The following MDFIC variants were observed in gnomAD, a reference collection of about 807,000 sequenced individuals.
MDFIC encodes the protein MyoD family inhibitor domain containing.
A neutral mutation model predicts 23.2 loss-of-function variants in MDFIC; 17 were observed. The ratio of observed to expected loss-of-function variants is 0.73; its 90% confidence interval spans 0.50 to 1.10. MDFIC has a LOEUF of 1.10. MDFIC is among the 50% of genes least tolerant of loss of function. The pLI is 0.00. For synonymous variants in MDFIC, 120 were observed against 115.2 expected (o/e 1.04, Z -0.27); for missense variants, 356 against 316.6 (o/e 1.12, Z -0.95).
intron 3 of MDFIC, among the ~76,000 whole-genome samples, chr7:114,957,344 G>A (rs1472239429): frequency 6.6e-6 from 1 of 152,050 alleles, no homozygotes. Context: ...GGAGTAAGCT[G>A]TGTTTTTTAG....
chr7:114,959,432 A>G (rs1363322260), intron 3 of MDFIC, among the ~76,000 whole-genome samples: 1 of 152,188 alleles, frequency 6.6e-6, no homozygotes, highest in Non-Finnish European at 1.5e-5. Context: ...TTGTTCATTA[A>G]TACAAATATG....
At chr7:114,961,733 A>T (rs1792995864) in intron 3 of MDFIC, among the ~76,000 whole-genome samples, 1 of 152,138 alleles carries the variant, frequency 6.6e-6, no homozygotes, top group Admixed American at 6.5e-5. Flanking sequence ...GGTGCTACAC[A>T]CTTTTAAACA....
intron 3 of MDFIC, among the ~76,000 whole-genome samples, chr7:114,955,828 T>C (rs1644815654): frequency 6.6e-6 from 1 of 152,216 alleles, no homozygotes; most frequent in African/African-American, 2.4e-5. Context: ...ATTAACAATG[T>C]TATTACCATA....
chr7:114,951,611 A>G (rs1267425456), intron 3 of MDFIC, among the ~76,000 whole-genome samples: 1 of 152,138 alleles, frequency 6.6e-6, no homozygotes, highest in Non-Finnish European at 1.5e-5. Context: ...GAGTGAAAGC[A>G]TATGGGTGAA....
At chr7:114,941,754 T>C (rs1195223925) in intron 2 of MDFIC, among the ~76,000 whole-genome samples, 1 of 152,168 alleles carries the variant, frequency 6.6e-6, no homozygotes, top group Admixed American at 6.5e-5. Context: ...AAATACCCCC[T>C]TCTCAGAGGA....
intron 4 of MDFIC, among the ~76,000 whole-genome samples, chr7:114,987,018 C>A: frequency 6.6e-6 from 1 of 151,976 alleles, no homozygotes. Flanking sequence ...GTTGAAAGGG[C>A]AGGAATGGCT....
chr7:114,991,455 T>A (rs185513744), intron 4 of MDFIC, among the ~76,000 whole-genome samples: 1 of 152,170 alleles, frequency 6.6e-6, no homozygotes, highest in Non-Finnish European at 1.5e-5. Context: ...ATTTCCTAGG[T>A]TTTCTTCTAG....
intron 2 of MDFIC, among the ~76,000 whole-genome samples, chr7:114,931,447 T>C (rs895699322): frequency 1.3e-5 from 2 of 152,188 alleles, no homozygotes; most frequent in Non-Finnish European, 2.9e-5. Context: ...TATATTTTAC[T>C]ATGGAGAGAT....
At chr7:114,958,390 C>G (rs1158934114) in intron 3 of MDFIC, among the ~76,000 whole-genome samples, 1 of 152,120 alleles carries the variant, frequency 6.6e-6, no homozygotes, top group Non-Finnish European at 1.5e-5. Flanking sequence ...TTATTTTTTG[C>G]ATAATTTTGT....
At chr7:114,977,001 T>C (rs1014698559) in intron 3 of MDFIC, among the ~76,000 whole-genome samples, 4 of 152,182 alleles carry the variant, frequency 2.6e-5, no homozygotes, top group African/African-American at 9.7e-5. Context: ...CATAGTCTTA[T>C]GTAATTTACA....
intron 2 of MDFIC, among the ~76,000 whole-genome samples, chr7:114,939,868 A>T (rs1017835071): frequency 2.6e-5 from 4 of 152,232 alleles, no homozygotes; most frequent in Non-Finnish European, 5.9e-5. Context: ...AAAGTTACTA[A>T]TTGAATCAAG....
At chr7:114,950,586 T>C (rs1321825400) in intron 3 of MDFIC, among the ~76,000 whole-genome samples, 1 of 152,084 alleles carries the variant, frequency 6.6e-6, no homozygotes, top group Non-Finnish European at 1.5e-5. Flanking sequence ...AGGGAAAATA[T>C]GGGAAGAGAA....
intron 4 of MDFIC, among the ~76,000 whole-genome samples, chr7:114,993,257 T>C (rs1252954631): frequency 1.3e-5 from 2 of 152,202 alleles, no homozygotes; most frequent in African/African-American, 4.8e-5. Context: ...TCTTTATTAG[T>C]CTTGGTAGCG....
chr7:114,923,376 A>T (rs1416795998), intron 2 of MDFIC: 1 of 1,383,644 alleles, frequency 7.2e-7, no homozygotes, highest in East Asian at 2.5e-5. Flanking sequence ...AAGAAACAGG[A>T]TGACAGGATT....
chr7:114,964,663 G>C (rs1793062540), intron 3 of MDFIC, among the ~76,000 whole-genome samples: 1 of 152,048 alleles, frequency 6.6e-6, no homozygotes, highest in Non-Finnish European at 1.5e-5. Context: ...CGATTCTCGT[G>C]CCTCAGCCTC....
chr7:114,963,737 T>A (rs1793038276), intron 3 of MDFIC, among the ~76,000 whole-genome samples: 1 of 152,068 alleles, frequency 6.6e-6, no homozygotes, highest in African/African-American at 2.4e-5. Context: ...CGTGCCACCA[T>A]GCCTGGATAA....
In MDFIC at chr7:115,003,642, C is replaced by T. The variant is rs544929291; in HGVS notation, c.494-12046C>T. ...GACACGGAAAATTGAAGATGTTTTA[C>T]CTGGTTTCTTTAGATCCAACAAAAA... On this transcript the variant is annotated intron_variant, in intron 4 of 4. Coordinates refer to ENST00000393486, the MANE Select transcript of MDFIC (RefSeq NM_001166345.3). Among the ~76,000 whole-genome samples the T allele has an allele frequency of 5.3e-5, 8 of 152,286 alleles. 1 individual carries two copies. The South Asian group carries it at 1.7e-3, about 32-fold the overall frequency.
intron 3 of MDFIC, among the ~76,000 whole-genome samples, chr7:114,955,145 G>A (rs138828356): frequency 6.6e-4 from 101 of 152,226 alleles, no homozygotes; most frequent in African/African-American, 2.1e-3. Flanking sequence ...CAATTCACAT[G>A]TCTAATGTCT....
chr7:114,983,734 A>T (rs749430089), intron 4 of MDFIC, among the ~76,000 whole-genome samples: 11 of 151,016 alleles, frequency 7.3e-5, no homozygotes, highest in African/African-American at 2.2e-4. Context: ...CGCCTGGCTA[A>T]TTTTTTTTGT....
Sources: allele counts gnomAD v4.1 joint callset (sites outside exome capture counted in the v4.1 genomes callset), GRCh38; gene constraint gnomAD v4.1.1; transcripts MANE v1.5; gene names NCBI Gene and HGNC (gene_info 2026-07-23, HGNC 2026-07-21).